PIEZO1: variants seen among roughly 807,000 people sequenced by gnomAD.
PIEZO1 encodes the protein piezo-type mechanosensitive ion channel component 1.
PIEZO1 carries 296 observed loss-of-function variants against 297.2 expected under a neutral mutation model. That is an observed-to-expected ratio of 1.00 (90% CI 0.91 to 1.10). The LOEUF is 1.10. Ranked by LOEUF, PIEZO1 falls within the 50% of genes least tolerant of loss-of-function variation. PIEZO1 has a pLI of 0.00. For synonymous variants in PIEZO1, 2,427 were observed against 1,507.5 expected, an observed-to-expected ratio of 1.61 and a Z score of -14.13; for missense variants, 5,018 against 3,455.5, an observed-to-expected ratio of 1.45 and a Z score of -11.34.
chr16:88,724,392 G>A (rs928912053), intron 30 of PIEZO1, among the ~76,000 whole-genome samples: 11 of 152,130 alleles, frequency 7.2e-5, no homozygotes, highest in Non-Finnish European at 1.2e-4. Context: ...TTAGCTGGGC[G>A]TGGTGGCGGG....
chr16:88,716,418 T>C lies in PIEZO1; in HGVS notation c.6992A>G (p.Asn2331Ser), dbSNP rs1386175142. The C allele has an allele frequency of 1.3e-6, 2 of 1,549,726 alleles. No individual in the cohort carries two copies. Among genetic ancestry groups the C allele is most frequent in the Admixed American group, 2.0e-5 (1 of 50,924 alleles). Residue 2331 changes from asparagine (N) to serine (S), a missense_variant, in exon 48 of 51, where the codon AAC (asparagine) becomes AGC (serine). Coordinates refer to ENST00000301015, the MANE Select transcript of PIEZO1 (RefSeq NM_001142864.4). ...GGCCAGCTGCCGCCGTGCAGTGCTG[T>C]TGGGGGCCAGGGCCAGCATGTGCTT... Reference protein sequence around the residue: ...NEKHMLALAPNSTARRQLASL... With the variant: ...NEKHMLALAPSSTARRQLASL...
At position 88,734,010 on chromosome 16, in the gene PIEZO1, T is replaced by TGCTGCTCCTCCC. The variant is rs1905049283; in HGVS notation, c.2213_2224dup (p.Arg738_Gln741dup). The TGCTGCTCCTCCC allele has an allele frequency of 1.3e-6, 2 of 1,548,146 alleles. No homozygotes were observed. Among genetic ancestry groups the TGCTGCTCCTCCC allele is most frequent in the South Asian group, 2.4e-5 (2 of 83,900 alleles). ...CTCCTGCTGCTGCTGCTGATGCTCC[T>TGCTGCTCCTCCC]GCTGCTCCTCCCGCAGCAGTGGGGT... is the stretch of plus-strand genomic sequence containing the variant. On this transcript the variant is annotated inframe_insertion, in exon 17 of 51. Transcript: ENST00000301015.
rs1321772090 is a variant in PIEZO1 at position 88,738,551 on chromosome 16, C to G, written c.634+17G>C. 6.5e-7 allele frequency: 1 copy of G among 1,531,920 alleles called. No individual in the cohort carries two copies. Among genetic ancestry groups the G allele is most frequent in the South Asian group, 1.2e-5 (1 of 83,880 alleles). The allele number at this position is 1,531,920 out of a possible 1,614,324, so 94.9% of individuals were successfully genotyped here. A position where few individuals can be genotyped will look rare whatever the true frequency, so the allele number is the denominator to read the frequency against. On this transcript the variant is annotated intron_variant, in intron 6 of 50. Transcript: ENST00000301015. The stretch of plus-strand genomic sequence containing the variant: ...CCTCCCAGTGTGACTGCCAGTGCCC[C>G]CTGCCTCGGTGCGTACCTGCCAGTG...
chr16:88,770,177 T>C (rs1293564285), intron 1 of PIEZO1, among the ~76,000 whole-genome samples: 1 of 152,068 alleles, frequency 6.6e-6, no homozygotes, highest in Non-Finnish European at 1.5e-5. Flanking sequence ...AGCCTCGGTC[T>C]GTCGGGACAG....
At chr16:88,741,238 G>A (rs1905631393) in intron 5 of PIEZO1, 1 of 472,154 alleles carries the variant, frequency 2.1e-6, no homozygotes, top group South Asian at 2.7e-5. Context: ...GGGCACAGAT[G>A]CCATGTCGGG....
rs529764376 is a variant in PIEZO1 at position 88,726,531 on chromosome 16, C to G, written c.3796+16G>C. On this transcript the variant is annotated intron_variant, in intron 26 of 50. Coordinates refer to ENST00000301015, the MANE Select transcript of PIEZO1 (RefSeq NM_001142864.4). The stretch of plus-strand genomic sequence containing the variant: ...GCTTCCCCACGCCCTCCCCCGCCAC[C>G]GTCCTGGCCACTCACGGTCATAGTA... The G allele has an allele frequency of 1.0e-5, 16 of 1,547,142 alleles. No individual in the cohort carries two copies. The African/African-American group carries it at 2.1e-4, about 20-fold the overall frequency.
intron 2 of PIEZO1, among the ~76,000 whole-genome samples, chr16:88,749,011 G>A (rs1475511989): frequency 2.0e-5 from 3 of 151,148 alleles, no homozygotes; most frequent in South Asian, 2.1e-4. Context: ...GCCGAGGCGG[G>A]CGGATCACAA....
In PIEZO1 at chr16:88,720,088, G is replaced by T; in HGVS notation, c.6145C>A (p.Leu2049Met). 1 of 1,550,356 alleles carries T rather than the reference G, an allele frequency of 6.5e-7. No homozygotes were observed. The highest frequency in any genetic ancestry group is 1.2e-5 in the South Asian group (1 of 84,068). ...GCCCACCTCTCAGTGACGGCGGGCA[G>T]GATGAAGAACATCCATAGGTGGATG... The part of the protein sequence containing the change: ...LAIHLWMFFI[L>M]PAVTERMFNQ... The change falls in exon 42 of 51, where the codon CTG becomes ATG. Residue 2049 changes from leucine to methionine, a missense_variant. Physicochemically the swap from Leu to Met is conservative, Grantham distance 15. Transcript: ENST00000301015.
At position 88,727,463 on chromosome 16, in the gene PIEZO1, G is replaced by A. The variant is rs961714287; in HGVS notation, c.3301+94C>T. 5.5e-4 allele frequency: 354 copies of A among 647,620 alleles called. 2 individuals are homozygous for A. The highest frequency in any genetic ancestry group is 7.8e-5 in the Non-Finnish European group (29 of 370,086). 40.1% of individuals were successfully genotyped at this position (647,620 alleles called of 1,614,324 possible). ...CATGTGCCTGACCACACCTCCGCCC[G>A]TGCACGCCTGTGTGCACACTTGTGA... On this transcript the variant is annotated intron_variant, in intron 23 of 50. Coordinates refer to ENST00000301015, the MANE Select transcript of PIEZO1 (RefSeq NM_001142864.4).
chr16:88,742,078 G>C lies in PIEZO1; in HGVS notation c.301C>G (p.Leu101Val), dbSNP rs1905715359. The C allele has an allele frequency of 2.6e-6, 4 of 1,536,056 alleles. No homozygotes were observed. In the East Asian group the frequency reaches 9.8e-5, roughly 38 times the overall value. Residue 101 changes from leucine (L) to valine (V), a missense_variant, in exon 4 of 51, where the codon CTC becomes GTC. By Grantham distance (32) the Leu-to-Val change is conservative. Coordinates refer to ENST00000301015, the MANE Select transcript of PIEZO1 (RefSeq NM_001142864.4). ...LGPSCSRWET[L>V]SRHIGVTRLD... ...CTTGTGACCCCTATGTGTCGCGAGAGGGTCTCCCAGCGGCTGCCTGCAGAG... is the reference window on the plus strand; with the variant it reads ...CTTGTGACCCCTATGTGTCGCGAGACGGTCTCCCAGCGGCTGCCTGCAGAG...
In PIEZO1 at chr16:88,738,755, G is replaced by A. The variant is rs1191362689; in HGVS notation, c.466-19C>T. Reference sequence around the variant, plus strand: ...CATCATCCTGCCAAGGTCACGGACAGGGGCAAGGTCAGGTGTATCGCACTG... The same window carrying A: ...CATCATCCTGCCAAGGTCACGGACAAGGGCAAGGTCAGGTGTATCGCACTG... On this transcript the variant is annotated intron_variant, in intron 5 of 50. Transcript: ENST00000301015. The A allele has an allele frequency of 6.6e-6, 10 of 1,522,796 alleles. No individual in the cohort carries two copies. The highest frequency in any genetic ancestry group is 8.8e-6 in the Non-Finnish European group (10 of 1,136,756). The allele number at this position is 1,522,796 out of a possible 1,614,324, so 94.3% of individuals were successfully genotyped here.
In PIEZO1 at chr16:88,721,345, CCCT is replaced by C. The variant is rs763075219; in HGVS notation, c.5486_5488del (p.Glu1829del). The C allele has an allele frequency of 4.3e-5, 66 of 1,548,308 alleles. No homozygotes were observed. The highest frequency in any genetic ancestry group is 3.7e-5 in the Non-Finnish European group (43 of 1,146,932). ...GGTGGTGGCCGCAGGCACCCCTGGCCCCTCCTCGGCTCCCTGCTCCTCCTCGCC... is the reference window on the plus strand; with the variant it reads ...GGTGGTGGCCGCAGGCACCCCTGGCCCCTCGGCTCCCTGCTCCTCCTCGCC... On this transcript the variant is annotated inframe_deletion, in exon 39 of 51. Coordinates refer to ENST00000301015, the MANE Select transcript of PIEZO1 (RefSeq NM_001142864.4).
chr16:88,772,953 G>T (rs1907491857), intron 1 of PIEZO1, among the ~76,000 whole-genome samples: 1 of 152,216 alleles, frequency 6.6e-6, no homozygotes, highest in Non-Finnish European at 1.5e-5. Context: ...CGGGACACGT[G>T]AGTGGAGGCA....
At chr16:88,731,630 G>C (rs1272492608) in intron 22 of PIEZO1, 76 bp downstream of exon 22, 3 of 1,155,618 alleles carry the variant, frequency 2.6e-6, no homozygotes, top group Non-Finnish European at 3.8e-6. Context: ...CAGGAGTCTG[G>C]GGCAGGCGGG....
chr16:88,768,772 G>C (rs543939201), intron 1 of PIEZO1, among the ~76,000 whole-genome samples: 2 of 152,268 alleles, frequency 1.3e-5, no homozygotes, highest in East Asian at 3.9e-4. Context: ...CTCCCTTCTA[G>C]GCCTCGGCCA....
chr16:88,754,752 G>A (rs938419000), intron 1 of PIEZO1, among the ~76,000 whole-genome samples: 21 of 152,212 alleles, frequency 1.4e-4, no homozygotes, highest in East Asian at 1.9e-4. Flanking sequence ...CCACACTGCC[G>A]GGGCCCGCAG....
intron 1 of PIEZO1, among the ~76,000 whole-genome samples, chr16:88,763,511 C>T (rs1032274270): frequency 3.3e-5 from 5 of 152,174 alleles, no homozygotes; most frequent in African/African-American, 9.7e-5. Flanking sequence ...GGCCTCATCC[C>T]GATTTAAAAA....
rs1905653763 is a variant in PIEZO1, at chr16:88,741,489, G to T, written c.454C>A (p.Pro152Thr). ...GCAGCTGCCCTCACCAGCTCCCGTG[G>T]ATGTGGGCTCTGCCGGGTGTTCCTT... The part of the protein sequence containing the change: ...LARNTRQSPH[P>T]RELDDDERDV... Residue 152 changes from proline (P) to threonine (T), a missense_variant, in exon 5 of 51, where the codon CCA (proline) becomes ACA (threonine). Physicochemically the swap from Pro to Thr is conservative, Grantham distance 38 (BLOSUM62 -1). Coordinates refer to ENST00000301015, the MANE Select transcript of PIEZO1 (RefSeq NM_001142864.4). 3.3e-6 allele frequency: 5 copies of T among 1,535,196 alleles called. No individual in the cohort carries two copies. The highest frequency in any genetic ancestry group is 2.7e-5 in the African/African-American group (2 of 73,036).
In PIEZO1 at chr16:88,721,282, G is replaced by A. The variant is rs34370460; in HGVS notation, c.5552C>T (p.Thr1851Met). Residue 1851 changes from threonine (T) to methionine (M), a missense_variant, in exon 39 of 51, where the codon ACG becomes ATG. Coordinates refer to ENST00000301015, the MANE Select transcript of PIEZO1 (RefSeq NM_001142864.4). ...HIQVEARVGP[T>M]DGTPEPQVEL... ...CACTTGGGGTTCTGGGGTCCCGTCC[G>A]TGGGTCCGACCCTGGCTTCCACCTG... 1.3e-3 allele frequency: 2,053 copies of A among 1,544,694 alleles called. 27 individuals carry two copies. The African/African-American group carries it at 0.025, about 19-fold the overall frequency.
Sources: allele counts gnomAD v4.1 joint callset (sites outside exome capture counted in the v4.1 genomes callset), GRCh38; gene constraint gnomAD v4.1.1; transcripts MANE v1.5; gene names NCBI Gene and HGNC (gene_info 2026-07-23, HGNC 2026-07-21).